MAP3K4: variants seen among roughly 807,000 people sequenced by gnomAD.
The protein encoded by MAP3K4 is MAP three kinase 1.
MAP3K4 carries 67 observed loss-of-function variants against 185.6 expected under a neutral mutation model. That is an observed-to-expected ratio of 0.36 (90% CI 0.30 to 0.44). The LOEUF is 0.44. Ranked by LOEUF, MAP3K4 falls within the 20% of genes least tolerant of loss-of-function variation. The probability of loss-of-function intolerance (pLI) is 1.00; values close to 1 mark genes in which losing one functional copy is unlikely to be tolerated. For synonymous variants in MAP3K4, 702 were observed against 710.4 expected, an observed-to-expected ratio of 0.99 and a Z score of 0.19; for missense variants, 1,551 against 1,995.1, an observed-to-expected ratio of 0.78 and a Z score of 4.24.
At chr6:161,002,302 ATT>A (rs974252623) in intron 1 of MAP3K4, among the ~76,000 whole-genome samples, 2 of 152,128 alleles carry the variant, frequency 1.3e-5, no homozygotes, top group Admixed American at 6.5e-5. Flanking sequence ...ACTTGGATTA[ATT>A]TTCTTTTCAT....
chr6:161,049,309 G>T lies in MAP3K4; in HGVS notation c.1037G>T (p.Arg346Leu), dbSNP rs541008265. 1.2e-6 allele frequency: 2 copies of T among 1,614,138 alleles called. No individual in the cohort carries two copies. The highest frequency in any genetic ancestry group is 8.5e-7 in the Non-Finnish European group (1 of 1,180,006). ...GYSTHHEHLQRQRVSFEQVKR... is the reference protein window; with the variant it reads ...GYSTHHEHLQLQRVSFEQVKR... ...TCAACACATCATGAGCATCTCCAAC[G>T]CCAGAGGGTCTCATTTGAGCAGGTA... Residue 346 changes from arginine (R) to leucine (L), a missense_variant, in exon 3 of 27, where the codon CGC (arginine) becomes CTC (leucine). Coordinates refer to ENST00000392142, the MANE Select transcript of MAP3K4 (RefSeq NM_005922.4). This position sits in a 1 kb window ranked among gnomAD's most constrained non-coding sequence, Gnocchi z 8.4.
At chr6:161,002,050 GTTTTTT>G (rs77347524) in intron 1 of MAP3K4, among the ~76,000 whole-genome samples, 1 of 112,462 alleles carries the variant, frequency 8.9e-6, no homozygotes, top group African/African-American at 3.5e-5. Context: ...TAAGAAAAAG[GTTTTTT>G]TTTTTTTTTT....
At chr6:161,000,987 A>G (rs1358671807) in intron 1 of MAP3K4, among the ~76,000 whole-genome samples, 1 of 127,694 alleles carries the variant, frequency 7.8e-6, no homozygotes, top group African/African-American at 3.0e-5. Flanking sequence ...TATATAATAT[A>G]TATTATATAT....
rs563767763 is a variant in MAP3K4 at position 161,106,024 on chromosome 6, A to G, written c.3857-490A>G. Among the ~76,000 whole-genome samples the G allele has an allele frequency of 6.6e-6, 1 of 151,882 alleles. No homozygotes were observed. The highest frequency in any genetic ancestry group is 1.9e-4 in the East Asian group (1 of 5,150). On this transcript the variant is annotated intron_variant, in intron 19 of 26. Transcript: ENST00000392142. The surrounding 1 kb of genome is among the most constrained non-coding windows in gnomAD (Gnocchi z 4.9). Reference sequence around the variant, plus strand: ...CTAACTTTTGTATTTTTTTGTAGAGATGGGGTTTTGCCATTTTGCCCAGTC... The same window carrying G: ...CTAACTTTTGTATTTTTTTGTAGAGGTGGGGTTTTGCCATTTTGCCCAGTC...
Position 161,034,523 on chromosome 6 carries a change from A to G in MAP3K4, c.343+74A>G. 3.2e-6 allele frequency: 4 copies of G among 1,243,176 alleles called. No individual in the cohort carries two copies. The highest frequency in any genetic ancestry group is 4.4e-6 in the Non-Finnish European group (4 of 904,384). The allele number at this position is 1,243,176 out of a possible 1,614,324, so 77.0% of individuals were successfully genotyped here. Reference sequence around the variant, plus strand: ...GATTGATTCTTTCAACAATAAAGTTAGCAATTTCTTTTATTTTTAATTTGA... The same window carrying G: ...GATTGATTCTTTCAACAATAAAGTTGGCAATTTCTTTTATTTTTAATTTGA... On this transcript the variant is annotated intron_variant, in intron 2 of 26. Transcript: ENST00000392142. The surrounding 1 kb of genome is among the most constrained non-coding windows in gnomAD (Gnocchi z 4.4).
rs1777611235 is a variant in MAP3K4, at chr6:161,097,194, A to C, written c.3524+18A>C. On this transcript the variant is annotated intron_variant, in intron 16 of 26. Transcript: ENST00000392142. The surrounding 1 kb of genome is among the most constrained non-coding windows in gnomAD (Gnocchi z 4.9). ...GGATTCAGGTATTTGGTGCTTATCT[A>C]GTCATTTGCTTTACAGAGTGCCCTC... 2 of 1,608,602 alleles carry C rather than the reference A, an allele frequency of 1.2e-6. No individual in the cohort carries two copies. Among genetic ancestry groups the C allele is most frequent in the Non-Finnish European group, 1.7e-6 (2 of 1,175,080 alleles).
intron 1 of MAP3K4, among the ~76,000 whole-genome samples, chr6:161,027,540 G>C (rs936059595): frequency 6.6e-6 from 1 of 152,122 alleles, no homozygotes; most frequent in African/African-American, 2.4e-5. Context: ...TTAAATTCTT[G>C]TTCTATTTTA....
rs1471388091 is a variant in MAP3K4 at position 161,080,053 on chromosome 6, C to CG, written c.2098-827dup. Among the ~76,000 whole-genome samples the CG allele has an allele frequency of 3.9e-5, 6 of 152,102 alleles. No homozygotes were observed. Among genetic ancestry groups the CG allele is most frequent in the Admixed American group, 1.3e-4 (2 of 15,264 alleles). ...ATGTGGGAGAGCAGTGGTGGGTGGG[C>CG]GCTCAGGTTGGCGACAGACTGCTTC... On this transcript the variant is annotated intron_variant, in intron 5 of 26. Coordinates refer to ENST00000392142, the MANE Select transcript of MAP3K4 (RefSeq NM_005922.4). The surrounding 1 kb of genome is among the most constrained non-coding windows in gnomAD (Gnocchi z 4.8).
At chr6:161,026,733 C>CTTTTTTTTTTTTTTT (rs553664182) in intron 1 of MAP3K4, among the ~76,000 whole-genome samples, 30 of 96,102 alleles carry the variant, frequency 3.1e-4, no homozygotes, top group African/African-American at 4.9e-4. Context: ...GTTCTCTCTC[C>CTTTTTTTTTTTTTTT]TTTTTTTTTT....
chr6:161,109,643 C>A lies in MAP3K4; in HGVS notation c.4237-112C>A. 9.4e-7 allele frequency: 1 copy of A among 1,062,778 alleles called. No individual in the cohort carries two copies. Among genetic ancestry groups the A allele is most frequent in the Non-Finnish European group, 1.4e-6 (1 of 709,480 alleles). 65.8% of individuals were successfully genotyped at this position (1,062,778 alleles called of 1,614,324 possible). A position where few individuals can be genotyped will look rare whatever the true frequency, so the allele number is the denominator to read the frequency against. ...GCTCAGGATGGCAAGTGTAGTATAC[C>A]GTTAGAAAGAACATTCCTTTGGGGT... On this transcript the variant is annotated intron_variant, in intron 22 of 26. Coordinates refer to ENST00000392142, the MANE Select transcript of MAP3K4 (RefSeq NM_005922.4). This position sits in a 1 kb window ranked among gnomAD's most constrained non-coding sequence, Gnocchi z 5.7.
chr6:161,094,237 C>A (rs565982484), intron 15 of MAP3K4, among the ~76,000 whole-genome samples: 1 of 152,192 alleles, frequency 6.6e-6, no homozygotes, highest in African/African-American at 2.4e-5. Context: ...ACTTCCCTGT[C>A]CCCCGTTCCT....
Position 161,112,900 on chromosome 6 carries a change from A to T in MAP3K4, c.4626+126A>T. Reference sequence around the variant, plus strand: ...CACTAAATAGCGAACGATATTAGATACAAAAATCTGATCCATCAAAAGATT... The same window carrying T: ...CACTAAATAGCGAACGATATTAGATTCAAAAATCTGATCCATCAAAAGATT... On this transcript the variant is annotated intron_variant, in intron 25 of 26. Coordinates refer to ENST00000392142, the MANE Select transcript of MAP3K4 (RefSeq NM_005922.4). This position sits in a 1 kb window ranked among gnomAD's most constrained non-coding sequence, Gnocchi z 5.1. The T allele has an allele frequency of 2.0e-6, 1 of 508,074 alleles. No individual in the cohort carries two copies. The highest frequency in any genetic ancestry group is 3.3e-6 in the Non-Finnish European group (1 of 307,508). The allele number at this position is 508,074 out of a possible 1,614,324, so 31.5% of individuals were successfully genotyped here.
chr6:161,026,340 T>C lies in MAP3K4; in HGVS notation c.153-7919T>C, dbSNP rs574490079. Among the ~76,000 whole-genome samples the C allele has an allele frequency of 2.0e-5, 3 of 152,168 alleles. No homozygotes were observed. In the East Asian group the frequency reaches 5.8e-4, roughly 29 times the overall value. On this transcript the variant is annotated intron_variant, in intron 1 of 26. Transcript: ENST00000392142. Reference sequence around the variant, plus strand: ...TTAGTAAAGACGGGGTTTCACCATGTTAGCCAGGATGGTCTTGATCTTCTG... The same window carrying C: ...TTAGTAAAGACGGGGTTTCACCATGCTAGCCAGGATGGTCTTGATCTTCTG...
chr6:161,093,774 G>A lies in MAP3K4; in HGVS notation c.3350G>A (p.Ser1117Asn), dbSNP rs1192359871. 3.1e-6 allele frequency: 5 copies of A among 1,608,780 alleles called. No homozygotes were observed. The African/African-American group carries it at 6.7e-5, about 22-fold the overall frequency. ...TTCCCATTTTCTTTTGGTTTCTAGA[G>A]TTTACAAGCCTTGATGAATGAATGC... The part of the protein sequence containing the change: ...ISALPEDDFL[S>N]LQALMNECIG... The change falls in exon 15 of 27, where the codon AGT becomes AAT. Residue 1117 changes from serine to asparagine, a missense_variant and splice_region_variant. By Grantham distance (46) the Ser-to-Asn change is conservative. Transcript: ENST00000392142. The surrounding 1 kb of genome is among the most constrained non-coding windows in gnomAD (Gnocchi z 5.2).
intron 1 of MAP3K4, among the ~76,000 whole-genome samples, chr6:161,015,087 T>C (rs1263933959): frequency 1.3e-5 from 2 of 152,218 alleles, no homozygotes; most frequent in African/African-American, 2.4e-5. Context: ...TAAATTATAG[T>C]GCATTCATTT....
chr6:161,045,102 T>G (rs1783664650), intron 2 of MAP3K4, among the ~76,000 whole-genome samples: 1 of 152,206 alleles, frequency 6.6e-6, no homozygotes, highest in Non-Finnish European at 1.5e-5. Flanking sequence ...ATATCCTTTT[T>G]GCACAGTAGC....
chr6:161,113,221 A>G (rs1315829042), intron 25 of MAP3K4, among the ~76,000 whole-genome samples: 4 of 152,228 alleles, frequency 2.6e-5, no homozygotes. Flanking sequence ...AGCCACAGAA[A>G]GACATGGAGG....
At position 161,108,691 on chromosome 6, in the gene MAP3K4, TG is replaced by T. The variant is rs1778216918; in HGVS notation, c.4120-51del. 2 of 984,982 alleles carry T rather than the reference TG, an allele frequency of 2.0e-6. No individual in the cohort carries two copies. Among genetic ancestry groups the T allele is most frequent in the Non-Finnish European group, 3.3e-6 (2 of 605,904 alleles). The allele number at this position is 984,982 out of a possible 1,614,324, so 61.0% of individuals were successfully genotyped here. ...ATGATGTTTCAGTGTATGTGTATAA[TG>T]TAGAGTGATTAAATCAAGCCAGTTA... On this transcript the variant is annotated intron_variant, in intron 21 of 26. Transcript: ENST00000392142. This position sits in a 1 kb window ranked among gnomAD's most constrained non-coding sequence, Gnocchi z 5.7.
Position 161,114,588 on chromosome 6 carries a change from A to C in MAP3K4, c.4627-535A>C, listed in dbSNP as rs1436844165. Among the ~76,000 whole-genome samples, 4 of 152,244 alleles carry C rather than the reference A, an allele frequency of 2.6e-5. No individual in the cohort carries two copies. Among genetic ancestry groups the C allele is most frequent in the Non-Finnish European group, 5.9e-5 (4 of 68,040 alleles). The stretch of plus-strand genomic sequence containing the variant: ...GAAGAATACATATTGGCAATGACGA[A>C]ACAATAGTTTAGAAATTAGAATGCC... On this transcript the variant is annotated intron_variant, in intron 25 of 26. Transcript: ENST00000392142. This position sits in a 1 kb window ranked among gnomAD's most constrained non-coding sequence, Gnocchi z 4.3.
Sources: gnomAD v4.1 joint callset for allele counts (sites outside exome capture counted in the v4.1 genomes callset) on GRCh38, gnomAD v4.1.1 for gene constraint, Gnocchi (gnomAD v3.1) non-coding constraint, MANE v1.5 for transcripts, NCBI Gene and HGNC (gene_info 2026-07-23, HGNC 2026-07-21) for gene names.